Variants in SCML2 observed in about 807,000 individuals in gnomAD.
SCML2 encodes sex comb on midleg-like protein 2.
In SCML2, 6 loss-of-function variants were observed where a neutral mutation model predicts 48.4. The observed-to-expected ratio is 0.12, with a 90% CI of 0.07 to 0.24. SCML2 has a LOEUF of 0.24. Among genes scored for constraint, SCML2 ranks in the 10% least tolerant of loss-of-function variants. The probability of loss-of-function intolerance (pLI) is 1.00; values close to 1 mark genes in which losing one functional copy is unlikely to be tolerated. For missense variants in SCML2, 377 were observed against 528.2 expected (o/e 0.71, Z 2.81); for synonymous variants, 181 against 189.5 (o/e 0.95, Z 0.37).
At chrX:18,343,786 G>GA (rs1177267693) in intron 1 of SCML2, among the ~76,000 whole-genome samples, 5 of 93,129 alleles carry the variant, frequency 5.4e-5, no homozygotes, top group African/African-American at 2.0e-4. Context: ...AAAAGAAAAA[G>GA]AAAAGGAAAA....
intron 7 of SCML2, among the ~76,000 whole-genome samples, chrX:18,278,646 C>A (rs182376548): frequency 5.3e-5 from 6 of 112,474 alleles, no homozygotes; most frequent in African/African-American, 1.9e-4. Flanking sequence ...TGCCACCAGC[C>A]CCTCCCAGGC....
chrX:18,338,470 AC>A lies in SCML2; in HGVS notation c.-24-4376del, dbSNP rs1479574576. Among the ~76,000 whole-genome samples the A allele has an allele frequency of 5.5e-5, 6 of 108,974 alleles. 1 individual carries two copies. The East Asian group carries it at 1.7e-3, about 31-fold the overall frequency. The allele number at this position is 108,974 out of a possible 115,157, so 94.6% of individuals were successfully genotyped here. A position where few individuals can be genotyped will look rare whatever the true frequency, so the allele number is the denominator to read the frequency against. ...AAAAAAAAAAAAAGAAAAAAAAAAA[AC>A]AATCCAGGCACAAACTGTATGATCT... On this transcript the variant is annotated intron_variant, in intron 1 of 14. Coordinates refer to ENST00000251900, the MANE Select transcript of SCML2 (RefSeq NM_006089.3).
At chrX:18,332,583 T>C (rs1162428525) in intron 2 of SCML2, among the ~76,000 whole-genome samples, 1 of 111,925 alleles carries the variant, frequency 8.9e-6, no homozygotes, top group African/African-American at 3.2e-5. Flanking sequence ...TTTTGGCCAA[T>C]AAAGAATGAT....
chrX:18,279,573 C>T (rs1480524646), intron 7 of SCML2, among the ~76,000 whole-genome samples: 1 of 112,124 alleles, frequency 8.9e-6, no homozygotes, highest in Non-Finnish European at 1.9e-5. Flanking sequence ...CGCAAGGAGG[C>T]TCATTAAGAT....
chrX:18,270,225 A>G (rs1927405488), intron 7 of SCML2, among the ~76,000 whole-genome samples: 1 of 109,701 alleles, frequency 9.1e-6, no homozygotes. Context: ...ACTGGGTTTC[A>G]CCATGTTAGT....
chrX:18,258,297 A>C (rs770797917), intron 9 of SCML2, 50 bp from the exon 10 acceptor site: 7 of 1,003,432 alleles, frequency 7.0e-6, no homozygotes, highest in Admixed American at 4.8e-5. Context: ...GATTAAAAGA[A>C]ATTTTGTGAA....
intron 7 of SCML2, among the ~76,000 whole-genome samples, chrX:18,271,698 T>C (rs1927468792): frequency 9.2e-6 from 1 of 108,569 alleles, no homozygotes; most frequent in Admixed American, 1.0e-4. Context: ...CTGCCGATAG[T>C]ATCAGACTCC....
intron 7 of SCML2, among the ~76,000 whole-genome samples, chrX:18,272,413 A>G (rs1927491915): frequency 8.9e-6 from 1 of 112,445 alleles, no homozygotes; most frequent in African/African-American, 3.2e-5. Flanking sequence ...TGTTCCTGGT[A>G]CTTATCACAA....
Position 18,330,655 on chromosome X carries a change from T to G in SCML2, c.23A>C (p.Asp8Ala). 1.8e-6 allele frequency: 2 copies of G among 1,136,296 alleles called. No homozygotes were observed. The highest frequency in any genetic ancestry group is 2.4e-6 in the Non-Finnish European group (2 of 839,336). 93.6% of individuals were successfully genotyped at this position (1,136,296 alleles called of 1,213,427 possible). The part of the protein sequence containing the change: MGQTVNE[D>A]SMDVKKENQE... ...ATTCTCCTTCTTGACATCCATGGAA[T>G]CTAATAAAAAAGAAAATAGCAATAC... is the stretch of plus-strand genomic sequence containing the variant. The change falls in exon 3 of 15, where the codon GAT becomes GCT. Residue 8 changes from aspartate to alanine, a missense_variant and splice_region_variant. Asp to Ala is a moderately radical substitution (Grantham distance 126). This residue lies in a region of SCML2 where 61 missense variants were observed against 59.9 expected (regional missense o/e 1.02). Coordinates refer to ENST00000251900, the MANE Select transcript of SCML2 (RefSeq NM_006089.3).
At chrX:18,304,627 C>T (rs1325613880) in intron 7 of SCML2, among the ~76,000 whole-genome samples, 1 of 111,799 alleles carries the variant, frequency 8.9e-6, no homozygotes, top group African/African-American at 3.3e-5. Flanking sequence ...CAATGGAATA[C>T]CATGTATAAT....
chrX:18,275,367 G>A (rs1291896981), intron 7 of SCML2, among the ~76,000 whole-genome samples: 1 of 112,580 alleles, frequency 8.9e-6, no homozygotes, highest in East Asian at 2.8e-4. Flanking sequence ...TGTTGTCAAT[G>A]GCTAAACTAT....
intron 1 of SCML2, among the ~76,000 whole-genome samples, chrX:18,339,084 C>G (rs1385589532): frequency 9.0e-6 from 1 of 111,091 alleles, no homozygotes; most frequent in Admixed American, 9.6e-5. Context: ...TAACATTAAT[C>G]ATGTTGTAAA....
intron 7 of SCML2, among the ~76,000 whole-genome samples, chrX:18,289,626 T>C (rs1015445137): frequency 1.2e-4 from 14 of 112,392 alleles, no homozygotes; most frequent in Non-Finnish European, 2.4e-4. Flanking sequence ...TCTGCCACTT[T>C]TGACCTACTG....
chrX:18,347,265 T>A (rs1002678704), intron 1 of SCML2, among the ~76,000 whole-genome samples: 2 of 106,086 alleles, frequency 1.9e-5, no homozygotes, highest in Non-Finnish European at 3.9e-5. Flanking sequence ...GCCAACATGG[T>A]AAAACCCCGT....
intron 1 of SCML2, among the ~76,000 whole-genome samples, chrX:18,346,116 A>G (rs1930193290): frequency 9.0e-6 from 1 of 110,656 alleles, no homozygotes; most frequent in Non-Finnish European, 1.9e-5. Flanking sequence ...CTTTCCTGCA[A>G]TATCAAATCA....
At chrX:18,265,842 CAATT>C (rs1425430286) in intron 7 of SCML2, 40 bp from the exon 8 acceptor site, 9 of 982,963 alleles carry the variant, frequency 9.2e-6, no homozygotes, top group East Asian at 3.1e-5. Context: ...GTAAATGACA[CAATT>C]AAGGCATTGT....
chrX:18,337,497 A>G (rs1929869917), intron 1 of SCML2, among the ~76,000 whole-genome samples: 1 of 110,118 alleles, frequency 9.1e-6, no homozygotes, highest in Non-Finnish European at 1.9e-5. Flanking sequence ...CAGACTTGAG[A>G]GCAAGGAAAG....
chrX:18,291,404 A>G (rs1928229871), intron 7 of SCML2, among the ~76,000 whole-genome samples: 1 of 112,431 alleles, frequency 8.9e-6, no homozygotes, highest in Admixed American at 9.5e-5. Context: ...AGCCTAATGC[A>G]AATTTTTGCT....
rs756195560 is a variant in SCML2 at position 18,328,564 on chromosome X, C to T, written c.91+2023G>A. ...GTGCACGCCTGTGGTCCCACATACT[C>T]GGGAGGCTGAAGTGAGAGGATCACT... On this transcript the variant is annotated intron_variant, in intron 3 of 14. Transcript: ENST00000251900. 2.7e-5 allele frequency among the ~76,000 whole-genome samples: 3 copies of T among 111,311 alleles called. No individual in the cohort carries two copies. In the Admixed American group the frequency reaches 2.9e-4, roughly 11 times the overall value.
Sources: gnomAD v4.1 joint callset for allele counts (sites outside exome capture counted in the v4.1 genomes callset) on GRCh38, gnomAD v4.1.1 for gene constraint, gnomAD v4.1.1 regional missense constraint, MANE v1.5 for transcripts, NCBI Gene and HGNC (gene_info 2026-07-23, HGNC 2026-07-21) for gene names.